The following TENM2 variants were observed in gnomAD, a reference collection of about 807,000 sequenced individuals.
TENM2 encodes the protein teneurin-2.
TENM2 carries 52 observed loss-of-function variants against 245.2 expected under a neutral mutation model. The observed-to-expected ratio is 0.21, with a 90% CI of 0.17 to 0.27. TENM2 has a LOEUF of 0.27. Ranked by LOEUF, TENM2 falls within the 10% of genes least tolerant of loss-of-function variation. The probability of loss-of-function intolerance (pLI) is 1.00; values close to 1 mark genes in which losing one functional copy is unlikely to be tolerated. For missense variants in TENM2, 3,046 were observed against 3,666.8 expected, an observed-to-expected ratio of 0.83 and a Z score of 4.37; for synonymous variants, 1,363 against 1,438.9, an observed-to-expected ratio of 0.95 and a Z score of 1.19.
At chr5:167,317,670 G>A (rs755205552) in intron 1 of TENM2, among the ~76,000 whole-genome samples, 19 of 152,098 alleles carry the variant, frequency 1.2e-4, no homozygotes, top group African/African-American at 2.4e-4. Context: ...CACATTCATC[G>A]CATGCACTTG....
chr5:167,473,497 T>C lies in TENM2; in HGVS notation c.502+98024T>C, dbSNP rs78553740. 3.6e-3 allele frequency among the ~76,000 whole-genome samples: 541 copies of C among 152,364 alleles called. 32 individuals are homozygous for C. In the South Asian group the frequency reaches 0.096, roughly 27 times the overall value. On this transcript the variant is annotated intron_variant, in intron 2 of 28. Coordinates refer to ENST00000518659, the Ensembl canonical transcript of TENM2. Reference sequence around the variant, plus strand: ...TTCTCATTCTGAATTTTTAAAAATATATTTGAAAATATCTTTTCAGCTATG... The same window carrying C: ...TTCTCATTCTGAATTTTTAAAAATACATTTGAAAATATCTTTTCAGCTATG...
intron 5 of TENM2, among the ~76,000 whole-genome samples, chr5:168,007,222 G>A (rs1784891479): frequency 2.0e-5 from 3 of 151,782 alleles, no homozygotes; most frequent in African/African-American, 4.8e-5. Context: ...TCTGCCTCCC[G>A]GATTCAAGCA....
At chr5:167,721,823 C>T (rs765976030) in intron 2 of TENM2, among the ~76,000 whole-genome samples, 2 of 152,184 alleles carry the variant, frequency 1.3e-5, no homozygotes, top group South Asian at 4.1e-4. Context: ...TTCTGCCCAC[C>T]GTGCTTTATT....
intron 1 of TENM2, among the ~76,000 whole-genome samples, chr5:167,352,970 A>G (rs1372242528): frequency 6.6e-6 from 1 of 152,214 alleles, no homozygotes; most frequent in Non-Finnish European, 1.5e-5. Flanking sequence ...CATTACGTCA[A>G]TCAAACCCCA....
chr5:167,079,270 TAC>T, the TENM2 span, among the ~76,000 whole-genome samples: 24,425 of 146,024 alleles, frequency 0.17, 3,155 homozygotes, highest in East Asian at 0.39. Flanking sequence ...TATATATATA[TAC>T]ACACACACAC....
At chr5:167,035,469 C>T in the TENM2 span, among the ~76,000 whole-genome samples, 3 of 152,192 alleles carry the variant, frequency 2.0e-5, no homozygotes, top group Non-Finnish European at 4.4e-5. Flanking sequence ...TGATGTTAGC[C>T]ACTGACAATG....
chr5:167,411,218 A>G (rs915107828), intron 2 of TENM2, among the ~76,000 whole-genome samples: 12 of 152,028 alleles, frequency 7.9e-5, no homozygotes, highest in African/African-American at 2.7e-4. Context: ...AAAAATCAAA[A>G]CTAAATTTTA....
At chr5:167,887,977 C>T (rs1296025385) in intron 3 of TENM2, among the ~76,000 whole-genome samples, 1 of 152,160 alleles carries the variant, frequency 6.6e-6, no homozygotes, top group Non-Finnish European at 1.5e-5. Context: ...CTTCTAATGG[C>T]CCTCTTCTCC....
intron 3 of TENM2, among the ~76,000 whole-genome samples, chr5:167,909,177 T>C (rs1026706027): frequency 6.6e-6 from 1 of 151,986 alleles, no homozygotes; most frequent in African/African-American, 2.4e-5. Context: ...TTACAGCATA[T>C]ATTTTTTATC....
the TENM2 span, among the ~76,000 whole-genome samples, chr5:167,220,729 G>T: frequency 3.3e-5 from 5 of 152,028 alleles, no homozygotes; most frequent in Admixed American, 1.3e-4. Flanking sequence ...TAATTTCTTT[G>T]TCTGAAAGAT....
chr5:168,085,797 T>C (rs1309661900), intron 7 of TENM2, among the ~76,000 whole-genome samples: 1 of 152,214 alleles, frequency 6.6e-6, no homozygotes, highest in African/African-American at 2.4e-5. Context: ...CCAGAGACCC[T>C]GTGGTCATGT....
At chr5:168,125,851 C>A (rs1795810922) in intron 11 of TENM2, among the ~76,000 whole-genome samples, 1 of 152,144 alleles carries the variant, frequency 6.6e-6, no homozygotes, top group South Asian at 2.1e-4. Context: ...CCTGGCAAGG[C>A]CGTGCAGATG....
At chr5:167,617,642 C>T (rs949033124) in intron 2 of TENM2, among the ~76,000 whole-genome samples, 1 of 152,144 alleles carries the variant, frequency 6.6e-6, no homozygotes, top group African/African-American at 2.4e-5. Context: ...ATTTCCTACC[C>T]ACTCAACTCT....
the TENM2 span, among the ~76,000 whole-genome samples, chr5:167,103,471 C>T: frequency 6.6e-6 from 1 of 152,198 alleles, no homozygotes; most frequent in Non-Finnish European, 1.5e-5. Flanking sequence ...ATATTGATCA[C>T]AGAGCAGAAG....
intron 2 of TENM2, among the ~76,000 whole-genome samples, chr5:167,588,540 T>C (rs1164336113): frequency 6.6e-6 from 1 of 152,230 alleles, no homozygotes; most frequent in Non-Finnish European, 1.5e-5. Flanking sequence ...ATTGTTTTCT[T>C]TTGATACTTA....
Position 168,247,674 on chromosome 5 carries a change from C to T in TENM2, c.6735C>T (p.Pro2245=). 1 of 1,613,900 alleles carries T rather than the reference C, an allele frequency of 6.2e-7. No homozygotes were observed. The highest frequency in any genetic ancestry group is 8.5e-7 in the Non-Finnish European group (1 of 1,179,900). The change falls in exon 27 of 29, where the codon CCC becomes CCT. Residue 2245 remains proline (P), a synonymous_variant. Transcript: ENST00000518659. The surrounding 1 kb of genome is among the most constrained non-coding windows in gnomAD (Gnocchi z 7.8). ...CAGGCAACAGTGTGCGCCTCATGCCCTTGCGCTATGACCTCCGGGATCGGA... is the reference window on the plus strand; with the variant it reads ...CAGGCAACAGTGTGCGCCTCATGCCTTTGCGCTATGACCTCCGGGATCGGA...
At chr5:167,838,425 T>G (rs1285021505) in intron 2 of TENM2, among the ~76,000 whole-genome samples, 1 of 152,172 alleles carries the variant, frequency 6.6e-6, no homozygotes, top group Non-Finnish European at 1.5e-5. Flanking sequence ...CTTCATAACT[T>G]TTTGGACTAG....
In TENM2 at chr5:168,221,835, G is replaced by A. The variant is rs528623830; in HGVS notation, c.5108+2836G>A. ...AGAAAGCTCCTAGGTCTTAGGACCA[G>A]GATGACAGGGGTGTGGAGTCCATCT... On this transcript the variant is annotated intron_variant, in intron 23 of 28. Transcript: ENST00000518659. Among the ~76,000 whole-genome samples the A allele has an allele frequency of 6.0e-4, 91 of 152,300 alleles. 1 individual carries two copies. Among genetic ancestry groups the A allele is most frequent in the Non-Finnish European group, 1.2e-3 (81 of 68,022 alleles).
At position 167,556,421 on chromosome 5, in the gene TENM2, CAT is replaced by C. The variant is rs4044320; in HGVS notation, c.502+180965_502+180966del. Among the ~76,000 whole-genome samples, 363 of 146,666 alleles carry C rather than the reference CAT, an allele frequency of 2.5e-3. 3 individuals are homozygous for C. Among genetic ancestry groups the C allele is most frequent in the African/African-American group, 7.7e-3 (312 of 40,264 alleles). The stretch of plus-strand genomic sequence containing the variant: ...TTTCATATATATGTATGTATACTTA[CAT>C]ATATATATATATATATGTATCTGTC... On this transcript the variant is annotated intron_variant, in intron 2 of 28. Transcript: ENST00000518659.
Sources: allele counts gnomAD v4.1 joint callset (sites outside exome capture counted in the v4.1 genomes callset), GRCh38; gene constraint gnomAD v4.1.1; non-coding constraint Gnocchi (gnomAD v3.1); transcripts MANE v1.5; gene names NCBI Gene and HGNC (gene_info 2026-07-23, HGNC 2026-07-21).